Variants in COL23A1 observed in about 807,000 individuals in gnomAD.
The protein encoded by COL23A1 is collagen alpha-1(XXIII) chain.
In COL23A1, 97 loss-of-function variants were observed where a neutral mutation model predicts 99.3. The observed-to-expected ratio is 0.98, with a 90% CI of 0.83 to 1.16. COL23A1 has a LOEUF of 1.16. Among genes scored for constraint, COL23A1 ranks in the 50% most tolerant of loss-of-function variants. The probability of loss-of-function intolerance (pLI) is 0.00; values close to 1 mark genes in which losing one functional copy is unlikely to be tolerated. For missense variants in COL23A1, 762 were observed against 757.4 expected (o/e 1.01, Z -0.07); for synonymous variants, 320 against 308.2 (o/e 1.04, Z -0.40).
chr5:178,565,768 A>G (rs555010323), intron 1 of COL23A1, among the ~76,000 whole-genome samples: 37 of 152,218 alleles, frequency 2.4e-4, no homozygotes, highest in African/African-American at 8.4e-4. Flanking sequence ...GACATGGATC[A>G]TAGATGACAA....
At chr5:178,284,166 C>A (rs1419971219) in intron 5 of COL23A1, among the ~76,000 whole-genome samples, 1 of 152,212 alleles carries the variant, frequency 6.6e-6, no homozygotes, top group East Asian at 1.9e-4. Context: ...GCTGTTGATT[C>A]TATGATGTCT....
intron 2 of COL23A1, among the ~76,000 whole-genome samples, chr5:178,390,541 T>C (rs914778479): frequency 2.6e-5 from 4 of 152,196 alleles, no homozygotes; most frequent in East Asian, 1.9e-4. Flanking sequence ...GACAGCACAA[T>C]AGAGACCCCT....
intron 2 of COL23A1, among the ~76,000 whole-genome samples, chr5:178,400,546 C>T (rs146012959): frequency 1.1e-4 from 17 of 152,064 alleles, no homozygotes; most frequent in Non-Finnish European, 2.9e-5. Flanking sequence ...GTAAGATAGA[C>T]ATAACATAAA....
At chr5:178,464,345 A>G (rs1269946434) in intron 2 of COL23A1, among the ~76,000 whole-genome samples, 1 of 152,202 alleles carries the variant, frequency 6.6e-6, no homozygotes, top group African/African-American at 2.4e-5. Context: ...ACTTAGCATG[A>G]TATCCTCCAG....
chr5:178,568,369 A>G (rs1762934108), intron 1 of COL23A1, among the ~76,000 whole-genome samples: 1 of 152,196 alleles, frequency 6.6e-6, no homozygotes, highest in Non-Finnish European at 1.5e-5. Context: ...AAAAAAAAGC[A>G]TAATCACAAA....
intron 2 of COL23A1, among the ~76,000 whole-genome samples, chr5:178,356,777 C>T (rs546435636): frequency 7.2e-5 from 11 of 152,218 alleles, no homozygotes; most frequent in South Asian, 2.1e-4. Flanking sequence ...CACCCTCCCC[C>T]GGCCGCCTGG....
chr5:178,443,302 T>C (rs1314384245), intron 2 of COL23A1, among the ~76,000 whole-genome samples: 1 of 152,168 alleles, frequency 6.6e-6, no homozygotes, highest in African/African-American at 2.4e-5. Flanking sequence ...TCCGAACGAC[T>C]TCTACTCTGG....
intron 2 of COL23A1, among the ~76,000 whole-genome samples, chr5:178,557,141 G>C (rs951468746): frequency 2.6e-5 from 4 of 152,076 alleles, no homozygotes; most frequent in African/African-American, 7.2e-5. Flanking sequence ...CAGGCATTTT[G>C]GTGTTTCTTG....
chr5:178,370,064 G>C (rs933503195), intron 2 of COL23A1, among the ~76,000 whole-genome samples: 1 of 152,234 alleles, frequency 6.6e-6, no homozygotes, highest in African/African-American at 2.4e-5. Flanking sequence ...AGGGCAGCCA[G>C]TTCCAGAACT....
rs1457643066 is a variant in COL23A1, at chr5:178,306,821, G to C, written c.406+54C>G. 1 of 1,345,782 alleles carries C rather than the reference G, an allele frequency of 7.4e-7. No homozygotes were observed. The highest frequency in any genetic ancestry group is 9.8e-7 in the Non-Finnish European group (1 of 1,017,660). The allele number at this position is 1,345,782 out of a possible 1,614,324, so 83.4% of individuals were successfully genotyped here. A position where few individuals can be genotyped will look rare whatever the true frequency, so the allele number is the denominator to read the frequency against. On this transcript the variant is annotated intron_variant, in intron 3 of 28. Coordinates refer to ENST00000390654, the MANE Select transcript of COL23A1 (RefSeq NM_173465.4). The surrounding 1 kb of genome is among the most constrained non-coding windows in gnomAD (Gnocchi z 4.1). ...GCCAGGCCCTGCAGTCAGAGCCTGG[G>C]GCCATGGTGGCTTCCAAGCCTTGGC... is the stretch of plus-strand genomic sequence containing the variant.
rs536690846 is a variant in COL23A1, at chr5:178,309,423, C to T, written c.362-2504G>A. 5.3e-5 allele frequency among the ~76,000 whole-genome samples: 8 copies of T among 152,200 alleles called. No individual in the cohort carries two copies. In the East Asian group the frequency reaches 1.5e-3, roughly 29 times the overall value. On this transcript the variant is annotated intron_variant, in intron 2 of 28. Transcript: ENST00000390654. This position sits in a 1 kb window ranked among gnomAD's most constrained non-coding sequence, Gnocchi z 4.7. The stretch of plus-strand genomic sequence containing the variant: ...GCAGGCCAGGCAGGCTGGATGTGAC[C>T]CCGACTGAATAGGGCCCTCGTGGAG...
intron 2 of COL23A1, among the ~76,000 whole-genome samples, chr5:178,522,975 C>A (rs1760035134): frequency 6.6e-6 from 1 of 151,490 alleles, no homozygotes; most frequent in African/African-American, 2.4e-5. Flanking sequence ...ATTTCTCTGG[C>A]CCAGCCTCCC....
intron 2 of COL23A1, among the ~76,000 whole-genome samples, chr5:178,412,835 G>A (rs1231321688): frequency 6.6e-6 from 1 of 151,990 alleles, no homozygotes; most frequent in Non-Finnish European, 1.5e-5. Flanking sequence ...TTCCTTGACT[G>A]ATTACATATG....
intron 1 of COL23A1, among the ~76,000 whole-genome samples, chr5:178,587,519 A>G (rs909961757): frequency 3.3e-5 from 5 of 152,288 alleles, no homozygotes; most frequent in Middle Eastern, 3.4e-3. Flanking sequence ...TAATGTGGAC[A>G]TGGTTTCTGC....
chr5:178,380,393 TTGTGTGTGTG>T lies in COL23A1; in HGVS notation c.362-73484_362-73475del, dbSNP rs112420315. ...ATCCTTGGATTTCTAGAGCATGCAT[TTGTGTGTGTG>T]TGTGTGTGTGTGTGTGTGTGTATGC... On this transcript the variant is annotated intron_variant, in intron 2 of 28. Transcript: ENST00000390654. Among the ~76,000 whole-genome samples, 11 of 147,130 alleles carry T rather than the reference TTGTGTGTGTG, an allele frequency of 7.5e-5. No homozygotes were observed. The East Asian group carries it at 1.2e-3, about 16-fold the overall frequency.
chr5:178,313,828 G>C lies in COL23A1; in HGVS notation c.362-6909C>G, dbSNP rs1369488276. On this transcript the variant is annotated intron_variant, in intron 2 of 28. Coordinates refer to ENST00000390654, the MANE Select transcript of COL23A1 (RefSeq NM_173465.4). This position sits in a 1 kb window ranked among gnomAD's most constrained non-coding sequence, Gnocchi z 4.2. Reference sequence around the variant, plus strand: ...GATTGCTGGGGCTTCAGGGCCATCAGGGGGTGCACCTTGAGCAGAGAAGGC... The same window carrying C: ...GATTGCTGGGGCTTCAGGGCCATCACGGGGTGCACCTTGAGCAGAGAAGGC... Among the ~76,000 whole-genome samples the C allele has an allele frequency of 1.3e-5, 2 of 152,176 alleles. No homozygotes were observed. The highest frequency in any genetic ancestry group is 2.9e-5 in the Non-Finnish European group (2 of 68,022).
chr5:178,501,281 G>A (rs1758519251), intron 2 of COL23A1, among the ~76,000 whole-genome samples: 1 of 152,078 alleles, frequency 6.6e-6, no homozygotes, highest in African/African-American at 2.4e-5. Context: ...AAAAGGCACA[G>A]ACCAAAAAAA....
chr5:178,408,316 C>T (rs1301648750), intron 2 of COL23A1, among the ~76,000 whole-genome samples: 1 of 151,750 alleles, frequency 6.6e-6, no homozygotes, highest in East Asian at 1.9e-4. Flanking sequence ...TAAAAGAATG[C>T]CTAAAGCAAA....
At chr5:178,556,577 C>T (rs559427317) in intron 2 of COL23A1, among the ~76,000 whole-genome samples, 24 of 150,472 alleles carry the variant, frequency 1.6e-4, no homozygotes, top group Non-Finnish European at 3.4e-4. Context: ...GAGCCAAGAT[C>T]GCACCACTGC....
Sources: gnomAD v4.1 joint callset for allele counts (sites outside exome capture counted in the v4.1 genomes callset) on GRCh38, gnomAD v4.1.1 for gene constraint, Gnocchi (gnomAD v3.1) non-coding constraint, MANE v1.5 for transcripts, NCBI Gene and HGNC (gene_info 2026-07-23, HGNC 2026-07-21) for gene names.